PCSK2: variants seen among roughly 807,000 people sequenced by gnomAD.
The protein encoded by PCSK2 is proprotein convertase subtilisin/kexin type 2.
Under a neutral mutation model 69.7 loss-of-function variants are expected in PCSK2, and 14 were observed. That is an observed-to-expected ratio of 0.20 (90% CI 0.13 to 0.31). The LOEUF is 0.31. PCSK2 is among the 10% of genes least tolerant of loss of function. The pLI is 1.00. For missense variants in PCSK2, 544 were observed against 842.5 expected (o/e 0.65, Z 4.39); for synonymous variants, 307 against 320.7 (o/e 0.96, Z 0.46).
At chr20:17,350,196 A>C (rs1447421958) in intron 2 of PCSK2, among the ~76,000 whole-genome samples, 1 of 149,488 alleles carries the variant, frequency 6.7e-6, no homozygotes, top group Middle Eastern at 3.4e-3. Context: ...AAATAAGGTC[A>C]CATTCTGAGG....
intron 5 of PCSK2, among the ~76,000 whole-genome samples, chr20:17,403,426 C>T (rs531064974): frequency 7.2e-5 from 11 of 152,226 alleles, no homozygotes; most frequent in South Asian, 2.1e-4. Flanking sequence ...AACATTAAGC[C>T]GTGGCCATAT....
intron 1 of PCSK2, among the ~76,000 whole-genome samples, chr20:17,237,003 T>C (rs1458627090): frequency 6.6e-6 from 1 of 152,154 alleles, no homozygotes; most frequent in Non-Finnish European, 1.5e-5. Context: ...TTCTGGGCAG[T>C]ACTGCAGAGG....
At chr20:17,283,242 A>T (rs185232010) in intron 2 of PCSK2, among the ~76,000 whole-genome samples, 82 of 152,334 alleles carry the variant, frequency 5.4e-4, no homozygotes, top group Non-Finnish European at 9.1e-4. Context: ...GTAGGTAGAT[A>T]AATGAATAGA....
At chr20:17,392,883 T>C (rs1428037233) in intron 5 of PCSK2, among the ~76,000 whole-genome samples, 1 of 152,202 alleles carries the variant, frequency 6.6e-6, no homozygotes, top group Non-Finnish European at 1.5e-5. Context: ...GTTATATACA[T>C]CTACACACAG....
At chr20:17,377,860 C>A (rs1209242744) in intron 5 of PCSK2, among the ~76,000 whole-genome samples, 1 of 152,174 alleles carries the variant, frequency 6.6e-6, no homozygotes, top group Non-Finnish European at 1.5e-5. Context: ...AGAAATGAAA[C>A]CTTGCTTAAC....
chr20:17,423,440 G>A (rs796135774), intron 6 of PCSK2, among the ~76,000 whole-genome samples: 101 of 152,256 alleles, frequency 6.6e-4, no homozygotes, highest in African/African-American at 2.2e-3. Context: ...ACTCTTAGAG[G>A]CAATAGATGA....
At chr20:17,336,069 G>A (rs1240218164) in intron 2 of PCSK2, among the ~76,000 whole-genome samples, 2 of 152,160 alleles carry the variant, frequency 1.3e-5, no homozygotes, top group South Asian at 2.1e-4. Flanking sequence ...ACCTCTTGAT[G>A]AGAAGAATAT....
chr20:17,312,482 T>G (rs1298968557), intron 2 of PCSK2, among the ~76,000 whole-genome samples: 1 of 152,080 alleles, frequency 6.6e-6, no homozygotes, highest in Non-Finnish European at 1.5e-5. Flanking sequence ...TTAATATTTG[T>G]AGTGAACAAG....
chr20:17,465,138 A>C, intron 10 of PCSK2, 188 bp from the exon 11 acceptor site: 1 of 604,322 alleles, frequency 1.7e-6, no homozygotes, highest in South Asian at 2.0e-5. Flanking sequence ...AGATTTCTTT[A>C]ATTGACTTAT....
At chr20:17,267,701 C>T (rs978939847) in intron 2 of PCSK2, among the ~76,000 whole-genome samples, 3 of 152,094 alleles carry the variant, frequency 2.0e-5, no homozygotes, top group Non-Finnish European at 4.4e-5. Flanking sequence ...GGGTACTGTT[C>T]GTGCTGTCAT....
chr20:17,295,480 TTTAC>T (rs1216688637), intron 2 of PCSK2, among the ~76,000 whole-genome samples: 1 of 149,336 alleles, frequency 6.7e-6, no homozygotes, highest in Non-Finnish European at 1.5e-5. Context: ...CTCATTTTTA[TTTAC>T]TTATTTATTT....
intron 2 of PCSK2, among the ~76,000 whole-genome samples, chr20:17,278,077 C>T (rs555171662): frequency 5.3e-5 from 8 of 152,266 alleles, no homozygotes; most frequent in Admixed American, 4.6e-4. Flanking sequence ...ACAACAGGTG[C>T]TGGAGAGGAT....
chr20:17,230,483 T>C (rs1986105794), intron 1 of PCSK2, among the ~76,000 whole-genome samples: 1 of 152,226 alleles, frequency 6.6e-6, no homozygotes, highest in Admixed American at 6.5e-5. Flanking sequence ...TTTGCTTAAC[T>C]GAAAAATAAT....
intron 8 of PCSK2, among the ~76,000 whole-genome samples, chr20:17,443,643 G>A (rs1021016796): frequency 6.6e-6 from 1 of 152,206 alleles, no homozygotes; most frequent in South Asian, 2.1e-4. Context: ...CAGACTGACA[G>A]TGCAGATGGT....
intron 2 of PCSK2, among the ~76,000 whole-genome samples, chr20:17,307,128 G>C (rs1460979189): frequency 3.3e-5 from 5 of 152,046 alleles, no homozygotes; most frequent in African/African-American, 1.2e-4. Flanking sequence ...TATTTCACAG[G>C]CTTTATCTTC....
chr20:17,457,200 G>T (rs1469237938), intron 10 of PCSK2, among the ~76,000 whole-genome samples: 9 of 152,240 alleles, frequency 5.9e-5, no homozygotes, highest in Non-Finnish European at 1.3e-4. Flanking sequence ...TAGTGTGAGT[G>T]TAAGTGCCGG....
rs181067667 is a variant in PCSK2, at chr20:17,393,017, G to A, written c.544-16246G>A. On this transcript the variant is annotated intron_variant, in intron 5 of 11. Coordinates refer to ENST00000262545, the MANE Select transcript of PCSK2 (RefSeq NM_002594.5). ...AGTCATGGAGCCTAGAAAACAGTGC[G>A]GTTGTCCCTGGAGTTCAGAATGCTT... Among the ~76,000 whole-genome samples, 134 of 152,214 alleles carry A rather than the reference G, an allele frequency of 8.8e-4. No individual in the cohort carries two copies. The Middle Eastern group carries it at 0.02, about 23-fold the overall frequency.
intron 2 of PCSK2, among the ~76,000 whole-genome samples, chr20:17,318,839 AC>A (rs1989773826): frequency 6.6e-6 from 1 of 152,190 alleles, no homozygotes; most frequent in Non-Finnish European, 1.5e-5. Context: ...TACATCTGCC[AC>A]TTTAGACAAG....
intron 11 of PCSK2, among the ~76,000 whole-genome samples, chr20:17,471,987 G>A (rs1467139267): frequency 6.6e-6 from 1 of 152,220 alleles, no homozygotes; most frequent in Admixed American, 6.5e-5. Context: ...CGGAGATGGA[G>A]TCAATTTGAA....
Sources: allele counts gnomAD v4.1 joint callset (sites outside exome capture counted in the v4.1 genomes callset), GRCh38; gene constraint gnomAD v4.1.1; transcripts MANE v1.5; gene names NCBI Gene and HGNC (gene_info 2026-07-23, HGNC 2026-07-21).